ANKRD60: variants seen among roughly 807,000 people sequenced by gnomAD.
ANKRD60 encodes the protein ankyrin repeat domain-containing protein 60.
In ANKRD60, 24 loss-of-function variants were observed where a neutral mutation model predicts 21.3. The observed-to-expected ratio is 1.13, with a 90% confidence interval of 0.82 to 1.59. The LOEUF (loss-of-function observed/expected upper bound fraction) is 1.59. ANKRD60 is among the 40% of genes most tolerant of loss of function. The pLI, the probability that ANKRD60 is intolerant of heterozygous loss-of-function variation, is 0.00. For missense variants in ANKRD60, 490 were observed against 466.7 expected, an observed-to-expected ratio of 1.05 and a Z score of -0.46; for synonymous variants, 182 against 199.4, an observed-to-expected ratio of 0.91 and a Z score of 0.74.
intron 3 of ANKRD60, among the ~76,000 whole-genome samples, chr20:58,220,422 C>T (rs1984223353): frequency 6.6e-6 from 1 of 151,616 alleles, no homozygotes; most frequent in African/African-American, 2.4e-5. Flanking sequence ...CTATGGAATA[C>T]TATGTAAAGC....
exon 2 of ANKRD60, chr20:58,223,129 T>G: frequency 6.4e-7 from 1 of 1,551,638 alleles, no homozygotes; most frequent in Non-Finnish European, 8.7e-7. Context: ...AATGAAATAA[T>G]CCCTCCAGGA....
chr20:58,223,894 G>A (rs1243181338), intron 1 of ANKRD60, among the ~76,000 whole-genome samples: 1 of 152,110 alleles, frequency 6.6e-6, no homozygotes, highest in African/African-American at 2.4e-5. Flanking sequence ...TTGAGCCCAG[G>A]AGTTCGAGAC....
At chr20:58,225,758 G>A (rs757408372) in intron 1 of ANKRD60, among the ~76,000 whole-genome samples, 2 of 152,244 alleles carry the variant, frequency 1.3e-5, no homozygotes, top group Non-Finnish European at 2.9e-5. Context: ...CACATTCTCT[G>A]TGCAGCAGCA....
chr20:58,222,813 G>A (rs1984287437), intron 2 of ANKRD60, among the ~76,000 whole-genome samples: 2 of 152,224 alleles, frequency 1.3e-5, no homozygotes, highest in Admixed American at 1.3e-4. Flanking sequence ...CCTTTGCGGG[G>A]AGGGGTGGGG....
In ANKRD60 at chr20:58,228,463, T is replaced by C; in HGVS notation, c.191A>G (p.Gln64Arg). 4.6e-6 allele frequency: 7 copies of C among 1,527,246 alleles called. No individual in the cohort carries two copies. Among genetic ancestry groups the C allele is most frequent in the South Asian group, 1.2e-5 (1 of 83,016 alleles). 94.6% of individuals were successfully genotyped at this position (1,527,246 alleles called of 1,614,324 possible). ...CCGGCCGCGGGCACAGGCCAGGGGCTGCGCGGGGAGGGCCCGCGAGTCCGC... is the reference window on the plus strand; with the variant it reads ...CCGGCCGCGGGCACAGGCCAGGGGCCGCGCGGGGAGGGCCCGCGAGTCCGC... Residue 64 changes from glutamine (Q) to arginine (R), a missense_variant, in exon 1 of 4, where the codon CAG becomes CGG. Transcript: ENST00000457363. The surrounding 1 kb of genome is among the most constrained non-coding windows in gnomAD (Gnocchi z 5.3).
chr20:58,217,013 C>T (rs912690387), downstream of ANKRD60, among the ~76,000 whole-genome samples: 6 of 152,292 alleles, frequency 3.9e-5, no homozygotes, highest in South Asian at 2.1e-4. Context: ...GTTTCTATCA[C>T]GTTTCTCCAT....
exon 4 of ANKRD60, chr20:58,218,752 C>A (rs927713588): frequency 5.2e-5 from 81 of 1,551,156 alleles, no homozygotes; most frequent in Non-Finnish European, 7.1e-5. Flanking sequence ...CCCATAGCTG[C>A]AGCCACATGC....
chr20:58,221,605 A>C, intron 2 of ANKRD60, 102 bp from the exon 3 acceptor site: 1 of 1,306,384 alleles, frequency 7.7e-7, no homozygotes, highest in Non-Finnish European at 1.0e-6. Context: ...TTGAATGTCA[A>C]ATTAAGGCTC....
chr20:58,221,613 C>T (rs1428739289), intron 2 of ANKRD60, 110 bp from the exon 3 acceptor site: 1 of 1,244,970 alleles, frequency 8.0e-7, no homozygotes, highest in African/African-American at 1.5e-5. Context: ...CAAATTAAGG[C>T]TCATGATGGG....
At position 58,222,956 on chromosome 20, in the gene ANKRD60, T is replaced by A. The variant is rs2122807645; in HGVS notation, c.561+96A>T. ...CGTTCTCTCTTCCCTGCTCTGAAACTGTTATTCACATATCCGTATTAAAGA... is the reference window on the plus strand; with the variant it reads ...CGTTCTCTCTTCCCTGCTCTGAAACAGTTATTCACATATCCGTATTAAAGA... On this transcript the variant is annotated intron_variant, in intron 2 of 3. Transcript: ENST00000457363. 3 of 1,366,572 alleles carry A rather than the reference T, an allele frequency of 2.2e-6. No homozygotes were observed. The East Asian group carries it at 7.7e-5, about 35-fold the overall frequency. 84.7% of individuals were successfully genotyped at this position (1,366,572 alleles called of 1,614,324 possible).
chr20:58,219,136 A>G (rs773917778), intron 3 of ANKRD60, among the ~76,000 whole-genome samples: 19 of 152,072 alleles, frequency 1.2e-4, no homozygotes, highest in Middle Eastern at 6.8e-3. Flanking sequence ...CAAGGCACCA[A>G]TTATACCTAC....
At chr20:58,220,683 AGTGTGTGTGTGTGTGT>A (rs36015489) in intron 3 of ANKRD60, among the ~76,000 whole-genome samples, 2,412 of 148,496 alleles carry the variant, frequency 0.016, 40 homozygotes, top group South Asian at 0.046. Context: ...GGTTTTTTCT[AGTGTGTGTGTGTGTGT>A]GTGTGTGTGT....
intron 3 of ANKRD60, among the ~76,000 whole-genome samples, chr20:58,219,067 C>G (rs936258090): frequency 1.3e-5 from 2 of 152,126 alleles, no homozygotes; most frequent in African/African-American, 4.8e-5. Flanking sequence ...TCTCACCCTA[C>G]CTTCCCATTA....
At chr20:58,217,396 T>C (rs1318105669), downstream of ANKRD60, among the ~76,000 whole-genome samples, 1 of 151,310 alleles carries the variant, frequency 6.6e-6, no homozygotes, top group Non-Finnish European at 1.5e-5. Context: ...ACCACTGCAC[T>C]CCAGCCTGGG....
intron 2 of ANKRD60, among the ~76,000 whole-genome samples, chr20:58,222,673 G>A (rs1008369562): frequency 3.3e-5 from 5 of 152,204 alleles, no homozygotes; most frequent in East Asian, 1.9e-4. Flanking sequence ...AGCACCTGGC[G>A]GAGGCCTGTA....
chr20:58,223,321 G>T, intron 1 of ANKRD60, 139 bp from the exon 2 acceptor site: 2 of 776,332 alleles, frequency 2.6e-6, no homozygotes, highest in South Asian at 4.7e-5. Flanking sequence ...TCATTTGATG[G>T]TGTCGCGTGG....
rs759773626 is a variant in ANKRD60 at position 58,221,399 on chromosome 20, C to T, written c.666G>A (p.Val222=). Residue 222 remains valine, a synonymous_variant, in exon 3 of 4, where the codon GTG becomes GTA. Coordinates refer to ENST00000457363, the Ensembl canonical transcript of ANKRD60. ...CTCTGTGTGAGGCCACATACAACGC[C>T]ACAAACGCCCTCTGAGACGTCCAGT... The T allele has an allele frequency of 4.5e-6, 7 of 1,552,406 alleles. No individual in the cohort carries two copies. The Admixed American group carries it at 7.8e-5, about 17-fold the overall frequency.
At chr20:58,218,510 C>A in exon 4 of ANKRD60, 1 of 1,550,930 alleles carries the variant, frequency 6.4e-7, no homozygotes, top group East Asian at 2.4e-5. Context: ...GAGGGGTCAT[C>A]GTCATCTTCT....
chr20:58,221,361 G>A (rs1351968770), exon 3 of ANKRD60: 14 of 1,552,202 alleles, frequency 9.0e-6, no homozygotes, highest in African/African-American at 5.5e-5. Context: ...GTACTGCACA[G>A]CATCAAAGTG....
Sources: gnomAD v4.1 joint callset for allele counts (sites outside exome capture counted in the v4.1 genomes callset) on GRCh38, gnomAD v4.1.1 for gene constraint, Gnocchi (gnomAD v3.1) non-coding constraint, MANE v1.5 for transcripts, NCBI Gene and HGNC (gene_info 2026-07-23, HGNC 2026-07-21) for gene names.